PDE9A: variants seen among roughly 807,000 people sequenced by gnomAD.
The protein encoded by PDE9A is high affinity cGMP-specific 3',5'-cyclic phosphodiesterase 9A.
A neutral mutation model predicts 87.4 loss-of-function variants in PDE9A; 60 were observed. The ratio of observed to expected loss-of-function variants is 0.69; its 90% CI spans 0.56 to 0.85. PDE9A has a LOEUF of 0.85. Ranked by LOEUF, PDE9A falls within the 40% of genes least tolerant of loss-of-function variation. The pLI is 0.00. For synonymous variants in PDE9A, 272 were observed against 279.4 expected (o/e 0.97, Z 0.27); for missense variants, 665 against 779.0 (o/e 0.85, Z 1.74).
Position 42,659,785 on chromosome 21 carries a change from A to G in PDE9A, c.69+5902A>G, listed in dbSNP as rs905203646. Among the ~76,000 whole-genome samples the G allele has an allele frequency of 2.6e-5, 4 of 152,196 alleles. No homozygotes were observed. The highest frequency in any genetic ancestry group is 9.7e-5 in the African/African-American group (4 of 41,438). The stretch of plus-strand genomic sequence containing the variant: ...CAGCCCGCACCTTCGTCTTCCAGCC[A>G]GCCTCTCCGGAGCTCAGTGTGGGTG... On this transcript the variant is annotated intron_variant, in intron 1 of 19. Transcript: ENST00000291539. The surrounding 1 kb of genome is among the most constrained non-coding windows in gnomAD (Gnocchi z 4.1).
intron 4 of PDE9A, among the ~76,000 whole-genome samples, chr21:42,731,563 CCA>C (rs1277736503): frequency 6.6e-6 from 1 of 152,146 alleles, no homozygotes; most frequent in African/African-American, 2.4e-5. Flanking sequence ...GCCACCCAGC[CCA>C]GTTTTACAGG....
At chr21:42,712,806 C>T (rs1301756663) in intron 4 of PDE9A, among the ~76,000 whole-genome samples, 1 of 152,084 alleles carries the variant, frequency 6.6e-6, no homozygotes, top group Non-Finnish European at 1.5e-5. Flanking sequence ...TCCTCTTTTT[C>T]CTTGTTTTCT....
intron 4 of PDE9A, among the ~76,000 whole-genome samples, chr21:42,726,625 T>TATATATATATATATA (rs1555925485): frequency 1.4e-4 from 2 of 14,512 alleles, no homozygotes; most frequent in African/African-American, 3.4e-4. Flanking sequence ...TATATATATA[T>TATATATATATATATA]TTTTTTTTTT....
At chr21:42,753,907 G>T in intron 9 of PDE9A, 83 bp from the exon 10 acceptor site, 1 of 672,626 alleles carries the variant, frequency 1.5e-6, no homozygotes, top group South Asian at 1.8e-5. Context: ...GAGAACGGGA[G>T]AAAGAGGAGA....
chr21:42,743,345 C>A (rs1026196574), intron 7 of PDE9A, among the ~76,000 whole-genome samples: 1 of 152,248 alleles, frequency 6.6e-6, no homozygotes, highest in Admixed American at 6.5e-5. Context: ...TTGCTGAAAA[C>A]GCTTTGCCGT....
intron 15 of PDE9A, among the ~76,000 whole-genome samples, chr21:42,767,955 A>G (rs1473222962): frequency 1.3e-5 from 2 of 152,176 alleles, no homozygotes; most frequent in Non-Finnish European, 2.9e-5. Context: ...AGGGGATATC[A>G]CCTGGGCTGG....
intron 18 of PDE9A, among the ~76,000 whole-genome samples, chr21:42,771,961 C>A (rs968293515): frequency 6.6e-6 from 1 of 152,340 alleles, no homozygotes; most frequent in East Asian, 1.9e-4. Flanking sequence ...ACTCCACAAC[C>A]CCGCAAGAGA....
chr21:42,732,191 GC>G, intron 6 of PDE9A, 67 bp downstream of exon 6: 1 of 1,475,360 alleles, frequency 6.8e-7, no homozygotes, highest in African/African-American at 1.4e-5. Flanking sequence ...GCGAGGGCAG[GC>G]CCCAGGCTCT....
intron 7 of PDE9A, among the ~76,000 whole-genome samples, chr21:42,740,274 T>C (rs1249154013): frequency 6.6e-6 from 1 of 151,960 alleles, no homozygotes; most frequent in East Asian, 1.9e-4. Flanking sequence ...CAAAACCCCA[T>C]CTCTACAAAA....
chr21:42,726,624 A>ATATATATATATATTTTT, intron 4 of PDE9A, among the ~76,000 whole-genome samples: 8 of 19,776 alleles, frequency 4.0e-4, no homozygotes, highest in Non-Finnish European at 4.5e-4. Flanking sequence ...ATATATATAT[A>ATATATATATATATTTTT]TTTTTTTTTT....
Position 42,694,539 on chromosome 21 carries a change from T to G in PDE9A, c.219-4429T>G, listed in dbSNP as rs1181657540. On this transcript the variant is annotated intron_variant, in intron 3 of 19. Coordinates refer to ENST00000291539, the MANE Select transcript of PDE9A (RefSeq NM_002606.3). This position sits in a 1 kb window ranked among gnomAD's most constrained non-coding sequence, Gnocchi z 5.3. Reference sequence around the variant, plus strand: ...TGCCGGTTGCACGGTCTCTTAGAGCTTAAAACTCTAGCTTCTTCTCTGCTC... The same window carrying G: ...TGCCGGTTGCACGGTCTCTTAGAGCGTAAAACTCTAGCTTCTTCTCTGCTC... 6.6e-6 allele frequency among the ~76,000 whole-genome samples: 1 copy of G among 152,200 alleles called. No individual in the cohort carries two copies. The highest frequency in any genetic ancestry group is 1.5e-5 in the Non-Finnish European group (1 of 68,040).
intron 4 of PDE9A, among the ~76,000 whole-genome samples, chr21:42,726,222 A>G (rs532195467): frequency 6.6e-6 from 1 of 152,270 alleles, no homozygotes; most frequent in African/African-American, 2.4e-5. Flanking sequence ...AGTCTTTGTC[A>G]GATACGTGTC....
rs1324577707 is a variant in PDE9A, at chr21:42,739,479, C to T, written c.569-4297C>T. ...TCCACCACATGCTCACCTCTGCCTCCTCCTGCAGACCTCCCCGCCAGCCCC... is the reference window on the plus strand; with the variant it reads ...TCCACCACATGCTCACCTCTGCCTCTTCCTGCAGACCTCCCCGCCAGCCCC... On this transcript the variant is annotated intron_variant, in intron 7 of 19. Transcript: ENST00000291539. This position sits in a 1 kb window ranked among gnomAD's most constrained non-coding sequence, Gnocchi z 4.1. Among the ~76,000 whole-genome samples the T allele has an allele frequency of 6.6e-6, 1 of 152,228 alleles. No homozygotes were observed. The highest frequency in any genetic ancestry group is 1.5e-5 in the Non-Finnish European group (1 of 68,026).
chr21:42,689,464 G>A (rs1451609838), intron 3 of PDE9A: 1 of 892,074 alleles, frequency 1.1e-6, no homozygotes, highest in East Asian at 1.2e-4. Flanking sequence ...TCGCTCAGAA[G>A]CAAAGTCACT....
At chr21:42,688,611 C>T (rs2059611228) in intron 3 of PDE9A, among the ~76,000 whole-genome samples, 1 of 152,200 alleles carries the variant, frequency 6.6e-6, no homozygotes, top group Admixed American at 6.5e-5. Flanking sequence ...ACCCCAGCAG[C>T]CTCCACTGCT....
In PDE9A at chr21:42,731,784, A is replaced by G. The variant is rs1242343553; in HGVS notation, c.277A>G (p.Lys93Glu). Residue 93 changes from lysine (K) to glutamate (E), a missense_variant, in exon 5 of 20, where the codon AAG (lysine) becomes GAG (glutamate). Transcript: ENST00000291539. Reference sequence around the variant, plus strand: ...GCTTTTTATAGCTGGTGTCGAGGACAAGAGAACCACAAGCCGTGGCCAGTC... The same window carrying G: ...GCTTTTTATAGCTGGTGTCGAGGACGAGAGAACCACAAGCCGTGGCCAGTC... ...IKQLSAGVEDKRTTSRGQSAE... is the reference protein window; with the variant it reads ...IKQLSAGVEDERTTSRGQSAE... 1.2e-6 allele frequency: 2 copies of G among 1,613,296 alleles called. No individual in the cohort carries two copies. Among genetic ancestry groups the G allele is most frequent in the South Asian group, 2.2e-5 (2 of 90,924 alleles).
intron 2 of PDE9A, 138 bp downstream of exon 2, chr21:42,686,400 A>G: frequency 1.5e-6 from 1 of 651,808 alleles, no homozygotes; most frequent in Non-Finnish European, 2.7e-6. Flanking sequence ...AAATCAATCA[A>G]TGCGCAGAAT....
At chr21:42,707,936 T>G (rs575263067) in intron 4 of PDE9A, among the ~76,000 whole-genome samples, 1 of 152,322 alleles carries the variant, frequency 6.6e-6, no homozygotes, top group East Asian at 1.9e-4. Flanking sequence ...ATGGCTAAAG[T>G]TATGTCTCTC....
chr21:42,698,016 G>A (rs1328462411), intron 3 of PDE9A, among the ~76,000 whole-genome samples: 1 of 152,150 alleles, frequency 6.6e-6, no homozygotes, highest in African/African-American at 2.4e-5. Flanking sequence ...GGAAGAAATG[G>A]GTAGAGCGAG....
Sources: gnomAD v4.1 joint callset for allele counts (sites outside exome capture counted in the v4.1 genomes callset) on GRCh38, gnomAD v4.1.1 for gene constraint, Gnocchi (gnomAD v3.1) non-coding constraint, MANE v1.5 for transcripts, NCBI Gene and HGNC (gene_info 2026-07-23, HGNC 2026-07-21) for gene names.